The following RPA1 variants were observed in gnomAD, a reference collection of about 807,000 sequenced individuals.
RPA1 encodes the protein replication protein A1, also known as replication protein A 70 kDa DNA-binding subunit.
A neutral mutation model predicts 83.0 loss-of-function variants in RPA1; 49 were observed. The observed-to-expected ratio is 0.59, with a 90% CI of 0.47 to 0.75. The LOEUF (loss-of-function observed/expected upper bound fraction) is 0.75, where lower values mean the gene tolerates loss of function less well. RPA1 is among the 30% of genes least tolerant of loss of function. The pLI, the probability that RPA1 is intolerant of heterozygous loss-of-function variation, is 0.00. For missense variants in RPA1, 693 were observed against 776.1 expected (o/e 0.89, Z 1.27); for synonymous variants, 279 against 281.8 (o/e 0.99, Z 0.10).
At chr17:1,872,354 A>G (rs746988237) in intron 5 of RPA1, 80 bp from the exon 6 acceptor site, 32 of 1,552,810 alleles carry the variant, frequency 2.1e-5, no homozygotes, top group Non-Finnish European at 2.4e-5. Context: ...ACACTTTCCC[A>G]GAGCATTCCT....
intron 5 of RPA1, among the ~76,000 whole-genome samples, chr17:1,861,145 C>G (rs575252968): frequency 3.2e-4 from 48 of 152,322 alleles, no homozygotes; most frequent in African/African-American, 1.1e-3. Context: ...ACGGGCCAAC[C>G]AGGACTCTGC....
At chr17:1,835,883 G>A (rs183348890) in intron 1 of RPA1, among the ~76,000 whole-genome samples, 32 of 152,268 alleles carry the variant, frequency 2.1e-4, no homozygotes, top group Middle Eastern at 3.4e-3. Flanking sequence ...AGCACTTGGG[G>A]AGGCTAATGC....
chr17:1,883,291 G>A (rs1913866148), intron 12 of RPA1, among the ~76,000 whole-genome samples: 3 of 152,242 alleles, frequency 2.0e-5, no homozygotes, highest in Middle Eastern at 3.4e-3. Flanking sequence ...AGCCTCCCGA[G>A]TAGCTGGGAT....
chr17:1,836,890 T>G (rs922853981), intron 1 of RPA1, among the ~76,000 whole-genome samples: 15 of 149,892 alleles, frequency 1.0e-4, no homozygotes, highest in Non-Finnish European at 1.9e-4. Flanking sequence ...CAGACTGGAG[T>G]GCAGTGGCGC....
At chr17:1,860,816 G>T (rs995986350) in intron 5 of RPA1, among the ~76,000 whole-genome samples, 2 of 152,174 alleles carry the variant, frequency 1.3e-5, no homozygotes, top group Non-Finnish European at 2.9e-5. Context: ...TTGGGTGCTA[G>T]AAACTTTTGT....
intron 5 of RPA1, among the ~76,000 whole-genome samples, chr17:1,870,802 A>G (rs1198088591): frequency 6.6e-6 from 1 of 152,238 alleles, no homozygotes; most frequent in Non-Finnish European, 1.5e-5. Context: ...TGATCTCAGC[A>G]GGGGATTTTC....
intron 7 of RPA1, among the ~76,000 whole-genome samples, chr17:1,876,417 T>G (rs1384548648): frequency 1.3e-5 from 2 of 151,800 alleles, no homozygotes; most frequent in Non-Finnish European, 2.9e-5. Context: ...TAGCCAGGTG[T>G]TGTGGAGCAC....
At chr17:1,874,012 A>AAAAAAT (rs1555592994) in intron 6 of RPA1, among the ~76,000 whole-genome samples, 1 of 93,866 alleles carries the variant, frequency 1.1e-5, no homozygotes, top group Non-Finnish European at 1.9e-5. Context: ...AAAAAAAAAA[A>AAAAAAT]ATATATATAT....
chr17:1,864,108 T>C (rs1460402782), intron 5 of RPA1, among the ~76,000 whole-genome samples: 1 of 152,244 alleles, frequency 6.6e-6, no homozygotes, highest in Non-Finnish European at 1.5e-5. Flanking sequence ...CCAAATGATT[T>C]CTCAGTAGGA....
At chr17:1,857,150 T>C (rs2151276852) in intron 5 of RPA1, among the ~76,000 whole-genome samples, 1 of 152,188 alleles carries the variant, frequency 6.6e-6, no homozygotes, top group East Asian at 1.9e-4. Flanking sequence ...TTCTCATTCA[T>C]ATTCAATTCA....
chr17:1,879,889 A>G (rs1180833522), intron 11 of RPA1, among the ~76,000 whole-genome samples, 190 bp downstream of exon 11: 314 of 73,818 alleles, frequency 4.3e-3, no homozygotes, highest in Middle Eastern at 0.024. Context: ...CGGAGGGGGC[A>G]TCTTGTCCTA....
At chr17:1,892,553 G>A (rs17339194) in intron 15 of RPA1, among the ~76,000 whole-genome samples, 595 of 152,320 alleles carry the variant, frequency 3.9e-3, no homozygotes, top group Non-Finnish European at 6.4e-3. Context: ...TGCCTGAGAT[G>A]ACTTAGGTCG....
At position 1,884,426 on chromosome 17, in the gene RPA1, C is replaced by G. The variant is rs1340218898; in HGVS notation, c.1374+482C>G. ...CATAGGCTGAGAGCTGCCGGCATTC[C>G]CGGACAAGGATTGGCCCTGACATTT... On this transcript the variant is annotated intron_variant, in intron 13 of 16. Transcript: ENST00000254719. This position sits in a 1 kb window ranked among gnomAD's most constrained non-coding sequence, Gnocchi z 4.1. Among the ~76,000 whole-genome samples, 1 of 152,162 alleles carries G rather than the reference C, an allele frequency of 6.6e-6. No homozygotes were observed. Among genetic ancestry groups the G allele is most frequent in the Non-Finnish European group, 1.5e-5 (1 of 68,032 alleles).
rs141755840 is a variant in RPA1, at chr17:1,855,331, T to TTG, written c.361+2176_361+2177dup. 0.01 allele frequency among the ~76,000 whole-genome samples: 691 copies of TTG among 68,288 alleles called. 5 individuals carry two copies. In the East Asian group the frequency reaches 0.11, roughly 11 times the overall value. The allele number at this position is 68,288 out of a possible 152,430, so 44.8% of individuals were successfully genotyped here. A position where few individuals can be genotyped will look rare whatever the true frequency, so the allele number is the denominator to read the frequency against. Reference sequence around the variant, plus strand: ...TGTATGACACCACACCCGGCTAAAATTGTGTGTGTGTGTGTGTGTGTGTGT... The same window carrying TTG: ...TGTATGACACCACACCCGGCTAAAATTGTGTGTGTGTGTGTGTGTGTGTGTGT... On this transcript the variant is annotated intron_variant, in intron 5 of 16. Coordinates refer to ENST00000254719, the MANE Select transcript of RPA1 (RefSeq NM_002945.5).
intron 4 of RPA1, 87 bp from the exon 5 acceptor site, chr17:1,853,014 A>G (rs537309262): frequency 1.6e-5 from 16 of 982,304 alleles, no homozygotes; most frequent in African/African-American, 3.2e-5. Flanking sequence ...GTTCATCACA[A>G]TGATCATCGG....
chr17:1,845,194 GTA>G lies in RPA1; in HGVS notation c.272+509_272+510del, dbSNP rs1491455882. Among the ~76,000 whole-genome samples, 576 of 147,972 alleles carry G rather than the reference GTA, an allele frequency of 3.9e-3. 6 individuals carry two copies. Among genetic ancestry groups the G allele is most frequent in the Middle Eastern group, 0.014 (4 of 282 alleles). On this transcript the variant is annotated intron_variant, in intron 4 of 16. Coordinates refer to ENST00000254719, the MANE Select transcript of RPA1 (RefSeq NM_002945.5). ...TGTGTGTGTGTGTGTGTGTGTGTGT[GTA>G]CAATCTTGAATCTTTTATATTAAAT... is the stretch of plus-strand genomic sequence containing the variant.
intron 16 of RPA1, among the ~76,000 whole-genome samples, chr17:1,896,033 G>A (rs1055490118): frequency 6.6e-6 from 1 of 152,160 alleles, no homozygotes; most frequent in African/African-American, 2.4e-5. Flanking sequence ...CCAGGTAACT[G>A]TTCTACATCC....
Position 1,895,059 on chromosome 17 carries a change from C to G in RPA1, c.1710C>G (p.Phe570Leu), listed in dbSNP as rs1490160111. The G allele has an allele frequency of 1.2e-6, 2 of 1,613,618 alleles. No individual in the cohort carries two copies. Among genetic ancestry groups the G allele is most frequent in the Non-Finnish European group, 1.7e-6 (2 of 1,179,732 alleles). Residue 570 changes from phenylalanine (F) to leucine (L), a missense_variant, in exon 16 of 17, where the codon TTC becomes TTG. Transcript: ENST00000254719. ...TCCAGAATGCCAACTTCCGATCTTT[C>G]ATATTCAGAGTCAGGGTCAAAGTGG... is the stretch of plus-strand genomic sequence containing the variant. Reference protein sequence around the residue: ...EVFQNANFRSFIFRVRVKVET... With the variant: ...EVFQNANFRSLIFRVRVKVET...
At chr17:1,858,222 C>A (rs1567810973) in intron 5 of RPA1, 2 of 1,613,846 alleles carry the variant, frequency 1.2e-6, no homozygotes, top group South Asian at 2.2e-5. Flanking sequence ...TCAGTGCTGG[C>A]CCCAGACACA....
Sources: gnomAD v4.1 joint callset for allele counts (sites outside exome capture counted in the v4.1 genomes callset) on GRCh38, gnomAD v4.1.1 for gene constraint, Gnocchi (gnomAD v3.1) non-coding constraint, MANE v1.5 for transcripts, NCBI Gene and HGNC (gene_info 2026-07-23, HGNC 2026-07-21) for gene names.